Variants in HGSNAT observed in about 807,000 individuals in gnomAD.
HGSNAT encodes the protein transmembrane protein 76.
Under a neutral mutation model 85.2 loss-of-function variants are expected in HGSNAT, and 59 were observed. The observed-to-expected ratio is 0.69, with a 90% CI of 0.56 to 0.86. The LOEUF is 0.86. HGSNAT is among the 40% of genes least tolerant of loss of function. HGSNAT has a pLI of 0.00. For missense variants in HGSNAT, 756 were observed against 777.1 expected, an observed-to-expected ratio of 0.97 and a Z score of 0.32; for synonymous variants, 321 against 304.5, an observed-to-expected ratio of 1.05 and a Z score of -0.56.
At chr8:43,164,661 A>T (rs1384786292) in intron 5 of HGSNAT, among the ~76,000 whole-genome samples, 4 of 152,118 alleles carry the variant, frequency 2.6e-5, no homozygotes, top group African/African-American at 9.7e-5. Context: ...CACGCCTGTA[A>T]TCCCAGGTAC....
At chr8:43,177,289 G>T (rs1803842170) in intron 9 of HGSNAT, among the ~76,000 whole-genome samples, 2 of 151,914 alleles carry the variant, frequency 1.3e-5, no homozygotes, top group African/African-American at 2.4e-5. Flanking sequence ...GGTGGCTCAT[G>T]CCTGTAATCC....
chr8:43,147,118 C>T, intron 2 of HGSNAT, 55 bp downstream of exon 2: 1 of 979,090 alleles, frequency 1.0e-6, no homozygotes. Context: ...TTGATATGAT[C>T]CTTAATGCTC....
intron 1 of HGSNAT, among the ~76,000 whole-genome samples, chr8:43,141,616 C>T (rs531675556): frequency 6.6e-6 from 1 of 152,156 alleles, no homozygotes; most frequent in Non-Finnish European, 1.5e-5. Context: ...GCGCCCTTTT[C>T]TTGGTCAGAA....
At chr8:43,156,907 T>TA (rs1260929058) in intron 2 of HGSNAT, among the ~76,000 whole-genome samples, 12 of 152,316 alleles carry the variant, frequency 7.9e-5, no homozygotes, top group East Asian at 5.8e-4. Flanking sequence ...TGTGTGTTCT[T>TA]AAAATTGAAG....
chr8:43,151,447 C>T (rs767335361), intron 2 of HGSNAT, among the ~76,000 whole-genome samples: 2 of 152,138 alleles, frequency 1.3e-5, no homozygotes, highest in Non-Finnish European at 2.9e-5. Flanking sequence ...GACCTCTCCA[C>T]GTGTCAGTGT....
chr8:43,175,811 C>A (rs1045422174), intron 9 of HGSNAT, among the ~76,000 whole-genome samples: 1 of 152,056 alleles, frequency 6.6e-6, no homozygotes, highest in African/African-American at 2.4e-5. Context: ...AGGTAATCTG[C>A]CTGCCTTGGC....
Position 43,178,073 on chromosome 8 carries a change from G to C in HGSNAT, c.852-1G>C. ...CCTATTAATAACTAGATTCTTTTTAGGTTTGTATTTATTATGGGATCTTCC... is the reference window on the plus strand; with the variant it reads ...CCTATTAATAACTAGATTCTTTTTACGTTTGTATTTATTATGGGATCTTCC... On this transcript the variant is annotated splice_acceptor_variant, in intron 9 of 17. Coordinates refer to ENST00000379644, the MANE Select transcript of HGSNAT (RefSeq NM_152419.3). LOFTEE classifies it high-confidence loss of function. 1.2e-6 allele frequency: 2 copies of C among 1,612,726 alleles called. No homozygotes were observed. Among genetic ancestry groups the C allele is most frequent in the Non-Finnish European group, 1.7e-6 (2 of 1,179,088 alleles).
At chr8:43,161,555 A>G in intron 5 of HGSNAT, 48 bp downstream of exon 5, 2 of 1,434,684 alleles carry the variant, frequency 1.4e-6, no homozygotes, top group Non-Finnish European at 1.9e-6. Context: ...GTATAGAAAT[A>G]ACACATTCAG....
At chr8:43,148,423 G>C (rs978644036) in intron 2 of HGSNAT, among the ~76,000 whole-genome samples, 3 of 151,934 alleles carry the variant, frequency 2.0e-5, no homozygotes, top group Non-Finnish European at 4.4e-5. Context: ...TGTAGGGCAA[G>C]TAAGACCATT....
chr8:43,153,649 A>C (rs991813505), intron 2 of HGSNAT, among the ~76,000 whole-genome samples: 1 of 152,212 alleles, frequency 6.6e-6, no homozygotes, highest in African/African-American at 2.4e-5. Context: ...CTACTGTGCC[A>C]TGTGTCACCA....
rs1804780352 is a variant in HGSNAT at position 43,197,901 on chromosome 8, C to G, written c.1675C>G (p.Pro559Ala). Residue 559 changes from proline to alanine, a missense_variant, in exon 17 of 18, where the codon CCA (proline) becomes GCA (alanine). Physicochemically the swap from Pro to Ala is conservative, Grantham distance 27. Transcript: ENST00000379644. ...CTTCTTCATCCTGCTGGTCCTGTAC[C>G]CAGTTGTGGATGTGAAGGGGCTGTG... ...FAFFILLVLYPVVDVKGLWTG... is the reference protein window; with the variant it reads ...FAFFILLVLYAVVDVKGLWTG... 11 of 1,613,918 alleles carry G rather than the reference C, an allele frequency of 6.8e-6. No individual in the cohort carries two copies. Among genetic ancestry groups the G allele is most frequent in the Non-Finnish European group, 9.3e-6 (11 of 1,179,878 alleles).
chr8:43,156,338 C>T (rs1803093691), intron 2 of HGSNAT, among the ~76,000 whole-genome samples: 1 of 151,988 alleles, frequency 6.6e-6, no homozygotes, highest in Non-Finnish European at 1.5e-5. Context: ...CAGAGTCTCA[C>T]TCTTTCGCCC....
chr8:43,173,816 C>A, intron 9 of HGSNAT, 73 bp downstream of exon 9: 2 of 1,489,900 alleles, frequency 1.3e-6, no homozygotes, highest in Non-Finnish European at 1.8e-6. Flanking sequence ...GATGCTGGAG[C>A]CTCTCTTCTG....
chr8:43,161,614 C>A, intron 5 of HGSNAT, 107 bp downstream of exon 5: 1 of 736,138 alleles, frequency 1.4e-6, no homozygotes, highest in Non-Finnish European at 2.2e-6. Context: ...ATGATATGAA[C>A]ATTTCTGTGT....
intron 5 of HGSNAT, among the ~76,000 whole-genome samples, chr8:43,163,733 G>A (rs1803343003): frequency 6.6e-6 from 1 of 152,052 alleles, no homozygotes; most frequent in Non-Finnish European, 1.5e-5. Context: ...GGCCAAGCTG[G>A]TCTTGAACTC....
Position 43,197,905 on chromosome 8 carries a change from T to G in HGSNAT, c.1679T>G (p.Val560Gly). Residue 560 changes from valine to glycine, a missense_variant, in exon 17 of 18, where the codon GTT (valine) becomes GGT (glycine). Val to Gly is a moderately radical substitution (Grantham distance 109). Coordinates refer to ENST00000379644, the MANE Select transcript of HGSNAT (RefSeq NM_152419.3). ...AFFILLVLYP[V>G]VDVKGLWTGT... ...TTCATCCTGCTGGTCCTGTACCCAG[T>G]TGTGGATGTGAAGGGGCTGTGGACA... 1 of 1,613,986 alleles carries G rather than the reference T, an allele frequency of 6.2e-7. No individual in the cohort carries two copies. The highest frequency in any genetic ancestry group is 8.5e-7 in the Non-Finnish European group (1 of 1,179,864).
intron 9 of HGSNAT, among the ~76,000 whole-genome samples, chr8:43,176,693 C>A (rs897224316): frequency 2.0e-4 from 30 of 152,006 alleles, no homozygotes; most frequent in African/African-American, 7.2e-4. Flanking sequence ...GAATTTCTTT[C>A]CATTTTTTGG....
chr8:43,182,139 T>C lies in HGSNAT; in HGVS notation c.1013-6T>C, dbSNP rs768481153. 4 of 1,610,378 alleles carry C rather than the reference T, an allele frequency of 2.5e-6. No homozygotes were observed. Among genetic ancestry groups the C allele is most frequent in the Admixed American group, 1.7e-5 (1 of 60,006 alleles). The stretch of plus-strand genomic sequence containing the variant: ...TAACACTTGACCTAACTTGTGTCTT[T>C]TGCAGTGTCTTGGGACAAGGTGCGC... On this transcript the variant is annotated splice_polypyrimidine_tract_variant and splice_region_variant and intron_variant, in intron 10 of 17. Coordinates refer to ENST00000379644, the MANE Select transcript of HGSNAT (RefSeq NM_152419.3).
At chr8:43,142,658 T>A (rs758132777) in intron 1 of HGSNAT, among the ~76,000 whole-genome samples, 6 of 152,166 alleles carry the variant, frequency 3.9e-5, no homozygotes, top group Non-Finnish European at 8.8e-5. Flanking sequence ...TCATGCTGAT[T>A]GGGCAGAGAT....
Sources: allele counts gnomAD v4.1 joint callset (sites outside exome capture counted in the v4.1 genomes callset), GRCh38; gene constraint gnomAD v4.1.1; transcripts MANE v1.5; gene names NCBI Gene and HGNC (gene_info 2026-07-23, HGNC 2026-07-21).